The following CCDC158 variants were observed in gnomAD, a reference collection of about 807,000 sequenced individuals.
CCDC158 encodes the protein coiled-coil domain containing 158.
A neutral mutation model predicts 138.6 loss-of-function variants in CCDC158; 116 were observed. The observed-to-expected ratio is 0.84, with a 90% CI of 0.72 to 0.98. The LOEUF (loss-of-function observed/expected upper bound fraction) is 0.98, where lower values mean the gene tolerates loss of function less well. Ranked by LOEUF, CCDC158 falls within the 50% of genes least tolerant of loss-of-function variation. The probability of loss-of-function intolerance (pLI) is 0.00; values close to 1 mark genes in which losing one functional copy is unlikely to be tolerated. For missense variants in CCDC158, 1,265 were observed against 1,306.1 expected (o/e 0.97, Z 0.48); for synonymous variants, 436 against 442.4 (o/e 0.99, Z 0.18).
chr4:76,378,760 T>C (rs150053819), intron 9 of CCDC158, among the ~76,000 whole-genome samples: 3,900 of 151,454 alleles, frequency 0.026, 81 homozygotes, highest in Non-Finnish European at 0.038. Flanking sequence ...CTATGGAAAG[T>C]GAAAGAAAAA....
Position 76,351,053 on chromosome 4 carries a change from A to G in CCDC158, c.2607T>C (p.Val869=), listed in dbSNP as rs1454839036. The change falls in exon 18 of 25, where the codon GTT becomes GTC. Residue 869 remains valine (V), a synonymous_variant. Transcript: ENST00000682701. ...LKPRLLQPAS[V]TRSHSNVPSS... is the part of the protein sequence containing the mutation. ...ATGGTACATTAGAATGAGAACGAGT[A>G]ACAGATGCTGGCTGGAGAAGGCGTG... 1.2e-6 allele frequency: 2 copies of G among 1,613,998 alleles called. No individual in the cohort carries two copies.
chr4:76,349,202 C>G (rs1379305222), intron 18 of CCDC158, among the ~76,000 whole-genome samples: 1 of 152,140 alleles, frequency 6.6e-6, no homozygotes, highest in East Asian at 1.9e-4. Context: ...ATGCTAGACA[C>G]TGTTATAGGT....
At chr4:76,385,783 A>G (rs1382864683) in intron 4 of CCDC158, among the ~76,000 whole-genome samples, 1 of 152,226 alleles carries the variant, frequency 6.6e-6, no homozygotes, top group South Asian at 2.1e-4. Context: ...GTCCCTAGCA[A>G]GGTGAATGAA....
Position 76,323,348 on chromosome 4 carries a change from T to G in CCDC158, c.3231A>C (p.Leu1077=). 1 of 1,613,382 alleles carries G rather than the reference T, an allele frequency of 6.2e-7. No individual in the cohort carries two copies. Among genetic ancestry groups the G allele is most frequent in the South Asian group, 1.1e-5 (1 of 90,792 alleles). Residue 1077 remains leucine (L), a synonymous_variant, in exon 24 of 25, where the codon CTA becomes CTC. Transcript: ENST00000682701. ...CTTCTACCAGAGTTTGCAAGCTTTC[T>G]AGTCTGTTCTGAAGCTTCCTGCATG... The part of the protein sequence containing the change: ...GKTCRKLQNR[L]ESLQTLVEDL...
intron 15 of CCDC158, among the ~76,000 whole-genome samples, chr4:76,354,222 G>T (rs1723317689): frequency 8.4e-6 from 1 of 118,756 alleles, no homozygotes; most frequent in Admixed American, 1.0e-4. Flanking sequence ...ACTGCTTTAG[G>T]TTCCCAAAGG....
At position 76,313,115 on chromosome 4, in the gene CCDC158, T is replaced by C. The variant is rs1719041818; in HGVS notation, c.*55A>G. 4 of 1,150,764 alleles carry C rather than the reference T, an allele frequency of 3.5e-6. No homozygotes were observed. In the Admixed American group the frequency reaches 9.0e-5, roughly 26 times the overall value. 71.3% of individuals were successfully genotyped at this position (1,150,764 alleles called of 1,614,324 possible). ...AAGTACACAGGGCACTAATTACGAG[T>C]AACACCACAATTAATTGGGCCTCAT... On this transcript the variant is annotated 3_prime_UTR_variant, in exon 25 of 25. Coordinates refer to ENST00000682701, the MANE Select transcript of CCDC158 (RefSeq NM_001394954.1).
intron 9 of CCDC158, among the ~76,000 whole-genome samples, chr4:76,378,532 A>G (rs1013763059): frequency 1.3e-5 from 2 of 152,200 alleles, no homozygotes; most frequent in African/African-American, 4.8e-5. Flanking sequence ...TAGCATTCAT[A>G]AAACAGGACA....
chr4:76,358,027 A>G (rs1256414083), intron 13 of CCDC158, among the ~76,000 whole-genome samples: 1 of 152,052 alleles, frequency 6.6e-6, no homozygotes, highest in African/African-American at 2.4e-5. Flanking sequence ...ATTTATATGT[A>G]TCTATTTATA....
chr4:76,347,163 A>C (rs1207804627), intron 18 of CCDC158, among the ~76,000 whole-genome samples: 1 of 152,224 alleles, frequency 6.6e-6, no homozygotes, highest in Non-Finnish European at 1.5e-5. Context: ...TTGACCTAGC[A>C]ATCCCATTAC....
intron 1 of CCDC158, among the ~76,000 whole-genome samples, 106 bp downstream of exon 1, chr4:76,420,859 G>A (rs1370102168): frequency 3.3e-5 from 5 of 152,138 alleles, no homozygotes; most frequent in Non-Finnish European, 7.4e-5. Flanking sequence ...GAACAAACAC[G>A]AGGCACCGGA....
At chr4:76,408,079 T>G (rs1728976698) in intron 2 of CCDC158, among the ~76,000 whole-genome samples, 4 of 151,058 alleles carry the variant, frequency 2.6e-5, no homozygotes, top group South Asian at 2.1e-4. Flanking sequence ...TTAAAAAATT[T>G]TATTATTATT....
intron 18 of CCDC158, among the ~76,000 whole-genome samples, chr4:76,336,593 C>T (rs1232563311): frequency 6.6e-6 from 1 of 152,158 alleles, no homozygotes; most frequent in Non-Finnish European, 1.5e-5. Context: ...AGCTTCAAAT[C>T]TTTTAAAGAA....
intron 12 of CCDC158, among the ~76,000 whole-genome samples, chr4:76,363,806 G>A (rs1210732717): frequency 6.6e-6 from 1 of 152,120 alleles, no homozygotes; most frequent in South Asian, 2.1e-4. Flanking sequence ...TTTTGAGTAT[G>A]AGAGTGATGT....
chr4:76,341,144 G>A (rs991938129), intron 18 of CCDC158, among the ~76,000 whole-genome samples: 2 of 152,042 alleles, frequency 1.3e-5, no homozygotes, highest in South Asian at 2.1e-4. Flanking sequence ...TATCTTTAAT[G>A]TACTTCTATC....
chr4:76,353,023 C>T (rs894933066), intron 16 of CCDC158, 100 bp downstream of exon 16: 9 of 898,204 alleles, frequency 1.0e-5, no homozygotes, highest in Non-Finnish European at 1.2e-5. Context: ...CAAATTGATA[C>T]ATTCAGTTCC....
chr4:76,368,730 A>C (rs1724930944), intron 11 of CCDC158, among the ~76,000 whole-genome samples: 1 of 152,154 alleles, frequency 6.6e-6, no homozygotes, highest in South Asian at 2.1e-4. Context: ...AAAATAAAGC[A>C]AAAAAATCTG....
intron 24 of CCDC158, among the ~76,000 whole-genome samples, chr4:76,315,205 C>T (rs1180006085): frequency 1.3e-5 from 2 of 152,174 alleles, no homozygotes; most frequent in South Asian, 2.1e-4. Context: ...ACCTCTGGAA[C>T]ATAACTCCAC....
At chr4:76,323,777 G>C (rs999141283) in intron 23 of CCDC158, among the ~76,000 whole-genome samples, 1 of 152,272 alleles carries the variant, frequency 6.6e-6, no homozygotes, top group Non-Finnish European at 1.5e-5. Context: ...TTAACTTGGG[G>C]TTTGAGGGAG....
At chr4:76,344,135 T>A (rs2110143965) in intron 18 of CCDC158, among the ~76,000 whole-genome samples, 1 of 152,328 alleles carries the variant, frequency 6.6e-6, no homozygotes, top group African/African-American at 2.4e-5. Context: ...CTCCTTAAGC[T>A]GATAAGTAAC....
Sources: gnomAD v4.1 joint callset for allele counts (sites outside exome capture counted in the v4.1 genomes callset) on GRCh38, gnomAD v4.1.1 for gene constraint, MANE v1.5 for transcripts, NCBI Gene and HGNC (gene_info 2026-07-23, HGNC 2026-07-21) for gene names.